The following EXOC6B variants were observed in gnomAD, a reference collection of about 807,000 sequenced individuals.
EXOC6B encodes the protein SEC15 homolog B.
EXOC6B carries 54 observed loss-of-function variants against 113.5 expected under a neutral mutation model. The ratio of observed to expected loss-of-function variants is 0.48; its 90% CI spans 0.38 to 0.60. EXOC6B has a LOEUF of 0.60. Ranked by LOEUF, EXOC6B falls within the 20% of genes least tolerant of loss-of-function variation. The pLI is 0.00. For synonymous variants in EXOC6B, 357 were observed against 339.0 expected, an observed-to-expected ratio of 1.05 and a Z score of -0.58; for missense variants, 797 against 977.5, an observed-to-expected ratio of 0.82 and a Z score of 2.46.
At chr2:72,243,508 C>A (rs1682458209) in intron 20 of EXOC6B, among the ~76,000 whole-genome samples, 1 of 152,136 alleles carries the variant, frequency 6.6e-6, no homozygotes, top group African/African-American at 2.4e-5. Flanking sequence ...AAACCAAACA[C>A]CCCATGTTCT....
intron 6 of EXOC6B, among the ~76,000 whole-genome samples, chr2:72,624,582 A>G (rs1448230948): frequency 1.3e-5 from 2 of 152,144 alleles, no homozygotes; most frequent in Non-Finnish European, 2.9e-5. Flanking sequence ...CCACTACAAA[A>G]GAATTTTTAA....
chr2:72,484,910 GTGCATGTGTCTTTATAGTAGAA>G (rs535306844), intron 16 of EXOC6B, among the ~76,000 whole-genome samples: 2,631 of 152,244 alleles, frequency 0.017, 43 homozygotes, highest in South Asian at 0.03. Context: ...AAACATATGT[GTGCATGTGTCTTTATAGTAGAA>G]TGCATGTGTC....
intron 20 of EXOC6B, among the ~76,000 whole-genome samples, chr2:72,293,704 T>C (rs1685949412): frequency 6.6e-6 from 1 of 152,148 alleles, no homozygotes; most frequent in South Asian, 2.1e-4. Flanking sequence ...TAGAGGCTTG[T>C]AATAAGTAAT....
chr2:72,430,724 A>C (rs1695472155), intron 18 of EXOC6B, among the ~76,000 whole-genome samples: 1 of 152,250 alleles, frequency 6.6e-6, no homozygotes, highest in South Asian at 2.1e-4. Context: ...CTCACTTAAG[A>C]TATCATTTCA....
chr2:72,544,229 T>A (rs1346464584), intron 8 of EXOC6B, among the ~76,000 whole-genome samples: 1 of 152,166 alleles, frequency 6.6e-6, no homozygotes, highest in African/African-American at 2.4e-5. Flanking sequence ...AAACTAAATT[T>A]CAAGGCAGAA....
intron 6 of EXOC6B, among the ~76,000 whole-genome samples, chr2:72,698,386 A>G (rs543655798): frequency 3.0e-4 from 46 of 152,330 alleles, no homozygotes; most frequent in African/African-American, 1.1e-3. Flanking sequence ...GTTATCGATA[A>G]AGAAAAAGGG....
chr2:72,823,137 C>T (rs188536759), intron 1 of EXOC6B, among the ~76,000 whole-genome samples: 1 of 121,688 alleles, frequency 8.2e-6, no homozygotes, highest in Non-Finnish European at 1.6e-5. Context: ...CAGTAAGACT[C>T]AGTGTAATCT....
chr2:72,769,570 G>A (rs903121710), intron 1 of EXOC6B, among the ~76,000 whole-genome samples: 4 of 152,194 alleles, frequency 2.6e-5, no homozygotes, highest in African/African-American at 9.7e-5. Flanking sequence ...CCAGCACTTT[G>A]GGAGGCCAAG....
chr2:72,739,157 A>G (rs370092442), intron 2 of EXOC6B, among the ~76,000 whole-genome samples: 2 of 152,310 alleles, frequency 1.3e-5, no homozygotes, highest in African/African-American at 2.4e-5. Flanking sequence ...GTAATCCTCT[A>G]TTAAGTGATG....
intron 20 of EXOC6B, among the ~76,000 whole-genome samples, chr2:72,298,169 C>T (rs1218244105): frequency 6.6e-6 from 1 of 152,162 alleles, no homozygotes; most frequent in Non-Finnish European, 1.5e-5. Flanking sequence ...AATCTGGGTG[C>T]TCCTATAATG....
chr2:72,717,255 G>C (rs535984940), intron 6 of EXOC6B, among the ~76,000 whole-genome samples: 3 of 152,236 alleles, frequency 2.0e-5, no homozygotes, highest in Non-Finnish European at 2.9e-5. Context: ...ATCAAGGCTA[G>C]TCGAGACCTA....
chr2:72,771,985 T>C (rs1683425673), intron 1 of EXOC6B, among the ~76,000 whole-genome samples: 3 of 152,026 alleles, frequency 2.0e-5, no homozygotes, highest in Non-Finnish European at 4.4e-5. Context: ...AAACATCAGT[T>C]TGAACAAACA....
chr2:72,708,185 T>C (rs1039142955), intron 6 of EXOC6B, among the ~76,000 whole-genome samples: 2 of 152,034 alleles, frequency 1.3e-5, no homozygotes, highest in Non-Finnish European at 2.9e-5. Context: ...ATATACATGA[T>C]AGAAACTCAC....
At chr2:72,320,164 T>C (rs908879247) in intron 20 of EXOC6B, among the ~76,000 whole-genome samples, 3 of 149,884 alleles carry the variant, frequency 2.0e-5, no homozygotes, top group African/African-American at 4.9e-5. Context: ...AATTGACAAA[T>C]TGATTGTAAG....
chr2:72,823,556 G>A (rs1007609661), intron 1 of EXOC6B, among the ~76,000 whole-genome samples: 1 of 150,808 alleles, frequency 6.6e-6, no homozygotes, highest in African/African-American at 2.4e-5. Context: ...GGCTAAAGCA[G>A]GTGGATTGCT....
chr2:72,383,660 T>C (rs987115003), intron 18 of EXOC6B, among the ~76,000 whole-genome samples: 1 of 151,798 alleles, frequency 6.6e-6, no homozygotes, highest in African/African-American at 2.4e-5. Context: ...TATAACCAAA[T>C]GAATATAAAT....
intron 18 of EXOC6B, among the ~76,000 whole-genome samples, chr2:72,450,683 T>C (rs1242741074): frequency 6.6e-6 from 1 of 152,218 alleles, no homozygotes; most frequent in African/African-American, 2.4e-5. Flanking sequence ...CTCTTGACTT[T>C]CTACAGTTAG....
At chr2:72,379,975 T>G (rs1691589807) in intron 18 of EXOC6B, 105 bp from the exon 19 acceptor site, 1 of 1,137,264 alleles carries the variant, frequency 8.8e-7, no homozygotes, top group Non-Finnish European at 1.2e-6. Context: ...GGAATTTCCC[T>G]AAGGTTCTCC....
chr2:72,413,937 A>T (rs1164443136), intron 18 of EXOC6B, among the ~76,000 whole-genome samples: 1 of 152,196 alleles, frequency 6.6e-6, no homozygotes, highest in African/African-American at 2.4e-5. Context: ...AATCTTGTTG[A>T]CTAAATCTGA....
Sources: allele counts gnomAD v4.1 joint callset (sites outside exome capture counted in the v4.1 genomes callset), GRCh38; gene constraint gnomAD v4.1.1; transcripts MANE v1.5; gene names NCBI Gene and HGNC (gene_info 2026-07-23, HGNC 2026-07-21).